FYCO1: variants seen among roughly 807,000 people sequenced by gnomAD.
FYCO1 encodes the protein FYVE and coiled-coil domain-containing protein 1.
In FYCO1, 122 loss-of-function variants were observed where a neutral mutation model predicts 165.1. That is an observed-to-expected ratio of 0.74 (90% CI 0.64 to 0.86). The LOEUF (loss-of-function observed/expected upper bound fraction) is 0.86, where lower values mean the gene tolerates loss of function less well. Ranked by LOEUF, FYCO1 falls within the 40% of genes least tolerant of loss-of-function variation. The pLI is 0.00. For synonymous variants in FYCO1, 648 were observed against 742.5 expected, an observed-to-expected ratio of 0.87 and a Z score of 2.07; for missense variants, 1,702 against 1,810.3, an observed-to-expected ratio of 0.94 and a Z score of 1.09.
chr3:45,933,831 A>G (rs145557007), intron 15 of FYCO1, among the ~76,000 whole-genome samples: 1 of 152,236 alleles, frequency 6.6e-6, no homozygotes, highest in African/African-American at 2.4e-5. Context: ...TGCTGGAGTT[A>G]TCTGTCAAGG....
At position 45,993,954 on chromosome 3, in the gene FYCO1, A is replaced by G. The variant is rs1194306285; in HGVS notation, c.-113+1768T>C. 1.3e-5 allele frequency among the ~76,000 whole-genome samples: 2 copies of G among 152,176 alleles called. No individual in the cohort carries two copies. The highest frequency in any genetic ancestry group is 2.9e-5 in the Non-Finnish European group (2 of 68,036). On this transcript the variant is annotated intron_variant, in intron 1 of 17. Coordinates refer to ENST00000296137, the MANE Select transcript of FYCO1 (RefSeq NM_024513.4). The surrounding 1 kb of genome is among the most constrained non-coding windows in gnomAD (Gnocchi z 4.4). ...GGGGGCTGCCATTTCTTGCGTACCTACTTTGTATTCTTGAGTCAGCAGTCC... is the reference window on the plus strand; with the variant it reads ...GGGGGCTGCCATTTCTTGCGTACCTGCTTTGTATTCTTGAGTCAGCAGTCC...
At position 45,967,050 on chromosome 3, in the gene FYCO1, T is replaced by C; in HGVS notation, c.2284A>G (p.Asn762Asp). The change falls in exon 8 of 18, where the codon AAT becomes GAT. Residue 762 changes from asparagine to aspartate, a missense_variant. Transcript: ENST00000296137. ...TGGGCAGCCAGCTCACGGGCTTCATTGTCAGTGGGTGGGCCAACTCCCTGT... is the reference window on the plus strand; with the variant it reads ...TGGGCAGCCAGCTCACGGGCTTCATCGTCAGTGGGTGGGCCAACTCCCTGT... The part of the protein sequence containing the change: ...GQQGVGPPTD[N>D]EARELAAQLA... 6.2e-7 allele frequency: 1 copy of C among 1,613,628 alleles called. No individual in the cohort carries two copies. Among genetic ancestry groups the C allele is most frequent in the Non-Finnish European group, 8.5e-7 (1 of 1,180,014 alleles).
intron 8 of FYCO1, among the ~76,000 whole-genome samples, chr3:45,965,673 G>A (rs1209992809): frequency 1.3e-5 from 2 of 152,248 alleles, no homozygotes; most frequent in East Asian, 3.8e-4. Flanking sequence ...CCCTGTATCT[G>A]CTGTCAGGAG....
intron 16 of FYCO1, among the ~76,000 whole-genome samples, chr3:45,925,364 C>A (rs1396449497): frequency 2.0e-5 from 3 of 152,100 alleles, no homozygotes; most frequent in African/African-American, 7.2e-5. Context: ...ACAACGGAAG[C>A]AGCATCTTAG....
chr3:45,961,719 C>G (rs1323655737), intron 11 of FYCO1, among the ~76,000 whole-genome samples: 1 of 152,158 alleles, frequency 6.6e-6, no homozygotes, highest in Non-Finnish European at 1.5e-5. Flanking sequence ...GGTGGGTCTA[C>G]AGATGAATCA....
chr3:45,928,094 T>C (rs1404914142), intron 16 of FYCO1, among the ~76,000 whole-genome samples: 1 of 152,008 alleles, frequency 6.6e-6, no homozygotes, highest in Non-Finnish European at 1.5e-5. Context: ...GGGGCAGAGG[T>C]TGGGGAGTGA....
chr3:45,979,599 A>G (rs536969231), intron 4 of FYCO1, 106 bp downstream of exon 4: 1 of 1,399,692 alleles, frequency 7.1e-7, no homozygotes, highest in East Asian at 2.3e-5. Context: ...TACCACCCAT[A>G]AACTCCCACT....
intron 14 of FYCO1, chr3:45,938,316 G>A: frequency 1.0e-6 from 1 of 985,144 alleles, no homozygotes; most frequent in Non-Finnish European, 1.4e-6. Context: ...TGACAATTAG[G>A]GCAGAGGGCT....
Position 45,949,061 on chromosome 3 carries a change from G to A in FYCO1, c.3944+6188C>T, listed in dbSNP as rs78475246. ...TGTCAGCTCCGTGGGTTAGCGAGGC[G>A]AGGGAGGGTTTGTATCGTGCCTTCC... On this transcript the variant is annotated intron_variant, in intron 14 of 17. Transcript: ENST00000296137. Among the ~76,000 whole-genome samples, 852 of 152,304 alleles carry A rather than the reference G, an allele frequency of 5.6e-3. 9 individuals carry two copies. Among genetic ancestry groups the A allele is most frequent in the African/African-American group, 0.019 (793 of 41,564 alleles).
chr3:45,921,719 G>C lies in FYCO1; in HGVS notation c.*46C>G. On this transcript the variant is annotated 3_prime_UTR_variant, in exon 18 of 18. Transcript: ENST00000296137. ...AATGCTTTATGTGACAGGTGAGGAA[G>C]AGCAGTGTTTCCTGTGGATGAAGTG... 2 of 1,215,424 alleles carry C rather than the reference G, an allele frequency of 1.6e-6. No homozygotes were observed. Among genetic ancestry groups the C allele is most frequent in the Non-Finnish European group, 2.5e-6 (2 of 815,616 alleles). The allele number at this position is 1,215,424 out of a possible 1,614,324, so 75.3% of individuals were successfully genotyped here. A position where few individuals can be genotyped will look rare whatever the true frequency, so the allele number is the denominator to read the frequency against.
chr3:45,952,262 T>C (rs1392008635), intron 14 of FYCO1, among the ~76,000 whole-genome samples: 1 of 152,152 alleles, frequency 6.6e-6, no homozygotes, highest in African/African-American at 2.4e-5. Flanking sequence ...GTTTAATCTC[T>C]CCCGGATCCC....
Position 45,920,023 on chromosome 3 carries a change from G to C in FYCO1, c.*1742C>G, listed in dbSNP as rs1252131299. Reference sequence around the variant, plus strand: ...AAGGAAGCCGAATGCAAGAGGCCCAGCTTTTCTCTGGGCAACCTCTTTGAA... The same window carrying C: ...AAGGAAGCCGAATGCAAGAGGCCCACCTTTTCTCTGGGCAACCTCTTTGAA... On this transcript the variant is annotated 3_prime_UTR_variant, in exon 18 of 18. Transcript: ENST00000296137. 1 of 152,246 alleles carries C rather than the reference G, an allele frequency of 6.6e-6. No homozygotes were observed. The highest frequency in any genetic ancestry group is 1.5e-5 in the Non-Finnish European group (1 of 68,044). 9.4% of individuals were successfully genotyped at this position (152,246 alleles called of 1,614,324 possible).
intron 14 of FYCO1, among the ~76,000 whole-genome samples, chr3:45,950,137 C>T (rs373364694): frequency 6.6e-6 from 1 of 152,082 alleles, no homozygotes; most frequent in African/African-American, 2.4e-5. Context: ...CCATTTGGCT[C>T]TCCCTTCTGC....
At chr3:45,959,760 A>T (rs961544156) in intron 11 of FYCO1, among the ~76,000 whole-genome samples, 2 of 152,242 alleles carry the variant, frequency 1.3e-5, no homozygotes, top group Admixed American at 1.3e-4. Flanking sequence ...TGCGGGAGGC[A>T]AAAGATGTAC....
intron 15 of FYCO1, among the ~76,000 whole-genome samples, chr3:45,936,228 T>C (rs1703879317): frequency 6.6e-6 from 1 of 152,202 alleles, no homozygotes; most frequent in African/African-American, 2.4e-5. Flanking sequence ...TATATCTTAA[T>C]TGCGGTAGTG....
chr3:45,968,337 A>T lies in FYCO1; in HGVS notation c.997T>A (p.Tyr333Asn). The T allele has an allele frequency of 6.2e-7, 1 of 1,613,674 alleles. No individual in the cohort carries two copies. Among genetic ancestry groups the T allele is most frequent in the East Asian group, 2.2e-5 (1 of 44,884 alleles). ...ELGAAEKEED[Y>N]HTALRRLESM... ...TCCAGCCGCCGCAGGGCTGTGTGGT[A>T]GTCCTCCTCCTTCTCTGCTGCTCCT... is the stretch of plus-strand genomic sequence containing the variant. The change falls in exon 8 of 18, where the codon TAC becomes AAC. Residue 333 changes from tyrosine to asparagine, a missense_variant. Coordinates refer to ENST00000296137, the MANE Select transcript of FYCO1 (RefSeq NM_024513.4).
rs988392657 is a variant in FYCO1, at chr3:45,921,129, T to C, written c.*636A>G. ...CCAGACAAAAGGGCCAGAAAGAGAGTGCAGCTTAGAGGCCCCTCCAACACT... is the reference window on the plus strand; with the variant it reads ...CCAGACAAAAGGGCCAGAAAGAGAGCGCAGCTTAGAGGCCCCTCCAACACT... On this transcript the variant is annotated 3_prime_UTR_variant, in exon 18 of 18. Coordinates refer to ENST00000296137, the MANE Select transcript of FYCO1 (RefSeq NM_024513.4). 2 of 162,360 alleles carry C rather than the reference T, an allele frequency of 1.2e-5. No individual in the cohort carries two copies. Among genetic ancestry groups the C allele is most frequent in the Non-Finnish European group, 2.7e-5 (2 of 73,094 alleles). 10.1% of individuals were successfully genotyped at this position (162,360 alleles called of 1,614,324 possible).
chr3:45,983,170 G>T (rs999452019), intron 2 of FYCO1, among the ~76,000 whole-genome samples: 6 of 152,240 alleles, frequency 3.9e-5, no homozygotes, highest in African/African-American at 1.2e-4. Flanking sequence ...TTGGAAAGGT[G>T]AAGGGACTTG....
chr3:45,969,298 G>A (rs1339097292), intron 7 of FYCO1, among the ~76,000 whole-genome samples: 3 of 152,138 alleles, frequency 2.0e-5, no homozygotes, highest in Admixed American at 6.5e-5. Flanking sequence ...AAGTGCATGC[G>A]CACTCCTCAT....
Sources: allele counts gnomAD v4.1 joint callset (sites outside exome capture counted in the v4.1 genomes callset), GRCh38; gene constraint gnomAD v4.1.1; non-coding constraint Gnocchi (gnomAD v3.1); transcripts MANE v1.5; gene names NCBI Gene and HGNC (gene_info 2026-07-23, HGNC 2026-07-21).